TMEM108: variants seen among roughly 807,000 people sequenced by gnomAD.
TMEM108 encodes cancer/testis antigen 124.
TMEM108 carries 12 observed loss-of-function variants against 35.1 expected under a neutral mutation model. The observed-to-expected ratio is 0.34, with a 90% CI of 0.22 to 0.55. TMEM108 has a LOEUF of 0.55. Ranked by LOEUF, TMEM108 falls within the 20% of genes least tolerant of loss-of-function variation. TMEM108 has a pLI of 0.89. For synonymous variants in TMEM108, 287 were observed against 308.6 expected, an observed-to-expected ratio of 0.93 and a Z score of 0.73; for missense variants, 680 against 753.3, an observed-to-expected ratio of 0.90 and a Z score of 1.14.
chr3:133,143,732 G>A (rs923842528), intron 2 of TMEM108, among the ~76,000 whole-genome samples: 2 of 151,996 alleles, frequency 1.3e-5, no homozygotes, highest in African/African-American at 2.4e-5. Flanking sequence ...TGCAGGGGAG[G>A]CCAGACAGCC....
chr3:133,260,849 C>A (rs1292729404), intron 3 of TMEM108, among the ~76,000 whole-genome samples: 1 of 151,942 alleles, frequency 6.6e-6, no homozygotes, highest in Non-Finnish European at 1.5e-5. Context: ...GGATATGGGG[C>A]AATATGAGAA....
At position 133,158,465 on chromosome 3, in the gene TMEM108, TAAAAAAAAAAAAA is replaced by T. The variant is rs11328701; in HGVS notation, c.-46-70789_-46-70777del. ...CCTGGCAACAGAGTGAGACTCTGTC[TAAAAAAAAAAAAA>T]AAAAAAAAAAAGAAAAGAAAGAAAT... On this transcript the variant is annotated intron_variant, in intron 2 of 5. Transcript: ENST00000321871. Among the ~76,000 whole-genome samples the T allele has an allele frequency of 7.4e-5, 6 of 80,622 alleles. No homozygotes were observed. The East Asian group carries it at 2.1e-3, about 28-fold the overall frequency. The allele number at this position is 80,622 out of a possible 152,430, so 52.9% of individuals were successfully genotyped here.
chr3:133,071,023 T>C (rs567342726), intron 2 of TMEM108, among the ~76,000 whole-genome samples: 1 of 152,242 alleles, frequency 6.6e-6, no homozygotes, highest in South Asian at 2.1e-4. Context: ...GTTTGTCCCC[T>C]CTCTGTTACC....
Position 133,397,346 on chromosome 3 carries a change from G to C in TMEM108, c.*1360G>C, listed in dbSNP as rs546671097. 1.3e-5 allele frequency: 2 copies of C among 151,114 alleles called. No individual in the cohort carries two copies. The highest frequency in any genetic ancestry group is 6.6e-5 in the Admixed American group (1 of 15,182). The allele number at this position is 151,114 out of a possible 1,614,324, so 9.4% of individuals were successfully genotyped here. A position where few individuals can be genotyped will look rare whatever the true frequency, so the allele number is the denominator to read the frequency against. On this transcript the variant is annotated 3_prime_UTR_variant, in exon 6 of 6. Transcript: ENST00000321871. The stretch of plus-strand genomic sequence containing the variant: ...GAATATTGGGTCATATGTTTGTGTT[G>C]TTGCTGTAGTCTATCATGACTTTTT...
chr3:133,137,492 G>T (rs373341240), intron 2 of TMEM108, among the ~76,000 whole-genome samples: 2 of 152,294 alleles, frequency 1.3e-5, no homozygotes, highest in Non-Finnish European at 1.5e-5. Flanking sequence ...CTGTCTTCAA[G>T]TAACAAAGGA....
chr3:133,160,826 G>C (rs1465039588), intron 2 of TMEM108, among the ~76,000 whole-genome samples: 1 of 152,090 alleles, frequency 6.6e-6, no homozygotes, highest in Admixed American at 6.5e-5. Flanking sequence ...CCAAGCCTTT[G>C]TCCTTGTGCA....
chr3:133,158,088 A>G (rs572507440), intron 2 of TMEM108, among the ~76,000 whole-genome samples: 1 of 152,136 alleles, frequency 6.6e-6, no homozygotes, highest in African/African-American at 2.4e-5. Context: ...TCCTTTTTAT[A>G]TAACAGATTC....
chr3:133,261,402 A>C (rs1484053829), intron 3 of TMEM108, among the ~76,000 whole-genome samples: 1 of 152,192 alleles, frequency 6.6e-6, no homozygotes, highest in African/African-American at 2.4e-5. Context: ...TACAGCAGTA[A>C]TAACTTAGAC....
intron 2 of TMEM108, among the ~76,000 whole-genome samples, chr3:133,165,365 T>G (rs2107783731): frequency 6.6e-6 from 1 of 152,274 alleles, no homozygotes; most frequent in South Asian, 2.1e-4. Context: ...CAGACTTAAA[T>G]GCACCACACA....
At chr3:133,285,388 G>A (rs994535641) in intron 3 of TMEM108, among the ~76,000 whole-genome samples, 3 of 152,130 alleles carry the variant, frequency 2.0e-5, no homozygotes, top group African/African-American at 2.4e-5. Flanking sequence ...TGGGGGAAGC[G>A]GAGTTGGGAA....
Position 133,166,159 on chromosome 3 carries a change from A to C in TMEM108, c.-46-63107A>C, listed in dbSNP as rs189263554. 1.2e-4 allele frequency among the ~76,000 whole-genome samples: 18 copies of C among 152,246 alleles called. No homozygotes were observed. In the East Asian group the frequency reaches 3.3e-3, roughly 28 times the overall value. ...TTGTAGCTGCTAGGGAAAAATAAAAACCTTGTGACAATTAAAACATAGTTT... is the reference window on the plus strand; with the variant it reads ...TTGTAGCTGCTAGGGAAAAATAAAACCCTTGTGACAATTAAAACATAGTTT... On this transcript the variant is annotated intron_variant, in intron 2 of 5. Coordinates refer to ENST00000321871, the MANE Select transcript of TMEM108 (RefSeq NM_023943.4).
intron 4 of TMEM108, among the ~76,000 whole-genome samples, chr3:133,385,466 A>C (rs1015691832): frequency 3.9e-5 from 6 of 152,074 alleles, no homozygotes; most frequent in African/African-American, 1.4e-4. Context: ...TGGGTCAGAC[A>C]CTAAGCCCCC....
At chr3:133,179,822 A>C (rs551059289) in intron 2 of TMEM108, among the ~76,000 whole-genome samples, 12 of 151,986 alleles carry the variant, frequency 7.9e-5, no homozygotes, top group Non-Finnish European at 1.3e-4. Flanking sequence ...AATAAAATAA[A>C]ATAAAATGGC....
chr3:133,180,405 A>G (rs1945316123), intron 2 of TMEM108, among the ~76,000 whole-genome samples: 1 of 152,130 alleles, frequency 6.6e-6, no homozygotes, highest in Non-Finnish European at 1.5e-5. Context: ...TCAAGTCCCA[A>G]TCAATTTCCA....
intron 3 of TMEM108, among the ~76,000 whole-genome samples, chr3:133,280,704 C>T (rs1275342374): frequency 2.0e-5 from 3 of 152,174 alleles, no homozygotes; most frequent in African/African-American, 7.2e-5. Flanking sequence ...GTTCTACAAG[C>T]CAGCAACCTG....
At chr3:133,302,321 A>G (rs1315456303) in intron 3 of TMEM108, among the ~76,000 whole-genome samples, 4 of 152,012 alleles carry the variant, frequency 2.6e-5, no homozygotes, top group Non-Finnish European at 5.9e-5. Flanking sequence ...TTTACCTAGG[A>G]GGGAATTTAC....
intron 2 of TMEM108, among the ~76,000 whole-genome samples, chr3:133,226,095 T>C (rs184501928): frequency 2.8e-4 from 42 of 152,356 alleles, no homozygotes; most frequent in Non-Finnish European, 4.9e-4. Flanking sequence ...TATTCAAAGA[T>C]TTTCTGGTTG....
chr3:133,340,317 A>G (rs190638378), intron 3 of TMEM108, among the ~76,000 whole-genome samples: 38 of 151,998 alleles, frequency 2.5e-4, no homozygotes, highest in South Asian at 8.3e-4. Context: ...CTATATGTCA[A>G]TAAATTGGAA....
At chr3:133,279,287 T>A (rs2107687269) in intron 3 of TMEM108, among the ~76,000 whole-genome samples, 1 of 152,350 alleles carries the variant, frequency 6.6e-6, no homozygotes, top group Middle Eastern at 3.4e-3. Flanking sequence ...AGACACCTGT[T>A]ACTCCCAAGT....
Sources: gnomAD v4.1 joint callset for allele counts (sites outside exome capture counted in the v4.1 genomes callset) on GRCh38, gnomAD v4.1.1 for gene constraint, MANE v1.5 for transcripts, NCBI Gene and HGNC (gene_info 2026-07-23, HGNC 2026-07-21) for gene names.